The following KRAS variants were observed in gnomAD, a reference collection of about 807,000 sequenced individuals.
KRAS encodes the protein GTPase KRas.
In KRAS, 1 loss-of-function variant was observed where a neutral mutation model predicts 21.0. The ratio of observed to expected loss-of-function variants is 0.05; its 90% CI spans 0.02 to 0.23. The LOEUF is 0.23. KRAS is among the 10% of genes least tolerant of loss of function. The pLI is 1.00. For synonymous variants in KRAS, 67 were observed against 72.5 expected (o/e 0.92, Z 0.39); for missense variants, 107 against 221.8 (o/e 0.48, Z 3.29).
chr12:25,223,350 T>C (rs1320283746), intron 4 of KRAS, among the ~76,000 whole-genome samples: 2 of 152,174 alleles, frequency 1.3e-5, no homozygotes, highest in Non-Finnish European at 2.9e-5. Context: ...ATTAGAATCA[T>C]GTTTTCTCAG....
chr12:25,230,764 C>T (rs970575961), intron 2 of KRAS, among the ~76,000 whole-genome samples: 1 of 151,790 alleles, frequency 6.6e-6, no homozygotes, highest in Non-Finnish European at 1.5e-5. Context: ...TCTTTTAAAG[C>T]ATATGGTATT....
At chr12:25,247,260 A>G (rs1291108279) in intron 1 of KRAS, among the ~76,000 whole-genome samples, 1 of 152,238 alleles carries the variant, frequency 6.6e-6, no homozygotes, top group Non-Finnish European at 1.5e-5. Context: ...AAATATACAC[A>G]GCATCATAAT....
intron 2 of KRAS, among the ~76,000 whole-genome samples, chr12:25,232,789 C>G (rs1951491269): frequency 6.6e-6 from 1 of 152,098 alleles, no homozygotes. Flanking sequence ...AAAAATTTTT[C>G]TAAATGAAAT....
chr12:25,237,728 T>C (rs1036639687), intron 2 of KRAS, among the ~76,000 whole-genome samples: 8 of 152,324 alleles, frequency 5.3e-5, no homozygotes, highest in African/African-American at 1.2e-4. Flanking sequence ...ACTTTATACA[T>C]AGATTAATAT....
At chr12:25,248,113 A>T (rs1951708813) in intron 1 of KRAS, among the ~76,000 whole-genome samples, 1 of 151,974 alleles carries the variant, frequency 6.6e-6, no homozygotes, top group South Asian at 2.1e-4. Flanking sequence ...CTCCCGCCTC[A>T]GTCTCCCAAA....
chr12:25,242,976 ATTAC>A (rs1565890775), intron 2 of KRAS, among the ~76,000 whole-genome samples: 1 of 152,180 alleles, frequency 6.6e-6, no homozygotes, highest in African/African-American at 2.4e-5. Context: ...AAAATACAGT[ATTAC>A]TTGATTTAAA....
intron 1 of KRAS, among the ~76,000 whole-genome samples, chr12:25,248,525 T>C (rs533342974): frequency 5.3e-5 from 8 of 152,030 alleles, no homozygotes; most frequent in African/African-American, 1.7e-4. Flanking sequence ...TGGACAGACA[T>C]TGGATTAGAG....
At chr12:25,212,892 A>T (rs1951213579) in intron 4 of KRAS, among the ~76,000 whole-genome samples, 1 of 151,848 alleles carries the variant, frequency 6.6e-6, no homozygotes, top group African/African-American at 2.4e-5. Flanking sequence ...CTGTGCCAAA[A>T]TTTTTTTATT....
intron 4 of KRAS, among the ~76,000 whole-genome samples, chr12:25,224,642 G>T (rs898213668): frequency 3.9e-5 from 6 of 152,162 alleles, no homozygotes; most frequent in Non-Finnish European, 7.4e-5. Context: ...ACTTAGGGTA[G>T]CCCAAGTGTA....
rs1042768231 is a variant in KRAS at position 25,207,675 on chromosome 12, C to A, written c.*2120G>T. ...CTATCTTTATTAAATTCTCCTTCCA[C>A]TGGATAGGGTTCTGTCTATTCATAC... On this transcript the variant is annotated 3_prime_UTR_variant, in exon 5 of 5. Transcript: ENST00000311936. 1.7e-5 allele frequency: 4 copies of A among 232,204 alleles called. No individual in the cohort carries two copies. The highest frequency in any genetic ancestry group is 3.4e-5 in the Non-Finnish European group (4 of 117,506). The allele number at this position is 232,204 out of a possible 1,614,324, so 14.4% of individuals were successfully genotyped here.
At position 25,206,414 on chromosome 12, in the gene KRAS, TTTTGTC is replaced by T. The variant is rs1390989767; in HGVS notation, c.*3375_*3380del. 3 of 205,054 alleles carry T rather than the reference TTTTGTC, an allele frequency of 1.5e-5. No homozygotes were observed. Among genetic ancestry groups the T allele is most frequent in the Non-Finnish European group, 3.0e-5 (3 of 100,328 alleles). The allele number at this position is 205,054 out of a possible 1,614,324, so 12.7% of individuals were successfully genotyped here. On this transcript the variant is annotated 3_prime_UTR_variant, in exon 5 of 5. Coordinates refer to ENST00000311936, the MANE Select transcript of KRAS (RefSeq NM_004985.5). The stretch of plus-strand genomic sequence containing the variant: ...TTTTTAAAAAAACTTCAACAAGGAT[TTTTGTC>T]TTTAAGGCTGTAATAATTAGGTAAC...
At chr12:25,232,629 T>C (rs1417599377) in intron 2 of KRAS, among the ~76,000 whole-genome samples, 1 of 152,148 alleles carries the variant, frequency 6.6e-6, no homozygotes, top group Non-Finnish European at 1.5e-5. Context: ...GGTACATAAG[T>C]TACCAAGGTT....
intron 2 of KRAS, among the ~76,000 whole-genome samples, chr12:25,229,753 CTATAG>C (rs931350391): frequency 1.4e-5 from 2 of 147,644 alleles, no homozygotes; most frequent in Non-Finnish European, 3.0e-5. Context: ...CACATGTAGG[CTATAG>C]TATTAATGTA....
At position 25,209,759 on chromosome 12, in the gene KRAS, T is replaced by C; in HGVS notation, c.*36A>G. On this transcript the variant is annotated 3_prime_UTR_variant, in exon 5 of 5. Transcript: ENST00000311936. ...TGTAATGTACAAAAATTACCACTTG[T>C]ACTAGTATGCCTTAAGAAAAAAGTA... 6.2e-7 allele frequency: 1 copy of C among 1,602,022 alleles called. No individual in the cohort carries two copies. The highest frequency in any genetic ancestry group is 8.5e-7 in the Non-Finnish European group (1 of 1,173,200).
At chr12:25,213,792 C>G (rs1644101466) in intron 4 of KRAS, among the ~76,000 whole-genome samples, 1 of 152,150 alleles carries the variant, frequency 6.6e-6, no homozygotes, top group South Asian at 2.1e-4. Context: ...GCATCCAAAG[C>G]TTAAGCTCTG....
rs1951386636 is a variant in KRAS, at chr12:25,225,904, T to G, written c.291-131A>C. The G allele has an allele frequency of 1.0e-5, 8 of 776,946 alleles. No homozygotes were observed. In the South Asian group the frequency reaches 1.3e-4, roughly 13 times the overall value. The allele number at this position is 776,946 out of a possible 1,614,324, so 48.1% of individuals were successfully genotyped here. ...ATTCCTAGTTTCCACTACACCAAAT[T>G]TTCCTTCCTTCTTCTACTAGTTATT... On this transcript the variant is annotated intron_variant, in intron 3 of 4. Transcript: ENST00000311936.
chr12:25,208,664 G>T lies in KRAS; in HGVS notation c.*1131C>A, dbSNP rs1449080819. ...CCACCACAGAGTGAGATTGTATCTTGTTGAGCTATCCAAACTGCCCTAGTC... is the reference window on the plus strand; with the variant it reads ...CCACCACAGAGTGAGATTGTATCTTTTTGAGCTATCCAAACTGCCCTAGTC... On this transcript the variant is annotated 3_prime_UTR_variant, in exon 5 of 5. Transcript: ENST00000311936. 4.3e-6 allele frequency: 1 copy of T among 232,874 alleles called. No homozygotes were observed. The highest frequency in any genetic ancestry group is 8.5e-6 in the Non-Finnish European group (1 of 117,706). The allele number at this position is 232,874 out of a possible 1,614,324, so 14.4% of individuals were successfully genotyped here.
chr12:25,243,461 C>T (rs1009521827), intron 2 of KRAS, among the ~76,000 whole-genome samples: 5 of 152,112 alleles, frequency 3.3e-5, no homozygotes, highest in Non-Finnish European at 5.9e-5. Context: ...TTCAGCCTTC[C>T]GCCCAAATAA....
At chr12:25,214,413 G>C (rs1951232131) in intron 4 of KRAS, among the ~76,000 whole-genome samples, 1 of 146,130 alleles carries the variant, frequency 6.8e-6, no homozygotes, top group Non-Finnish European at 1.5e-5. Flanking sequence ...TTGAGACAGA[G>C]TTTCGCTCTT....
Sources: gnomAD v4.1 joint callset for allele counts (sites outside exome capture counted in the v4.1 genomes callset) on GRCh38, gnomAD v4.1.1 for gene constraint, MANE v1.5 for transcripts, NCBI Gene and HGNC (gene_info 2026-07-23, HGNC 2026-07-21) for gene names.